Variants in NTM observed in about 807,000 individuals in gnomAD.
NTM encodes the protein neurotrimin.
NTM carries 13 observed loss-of-function variants against 42.1 expected under a neutral mutation model. The observed-to-expected ratio is 0.31, with a 90% CI of 0.20 to 0.49. The LOEUF is 0.49. Among genes scored for constraint, NTM ranks in the 20% least tolerant of loss-of-function variants. NTM has a pLI of 0.99. For missense variants in NTM, 373 were observed against 452.8 expected (o/e 0.82, Z 1.60); for synonymous variants, 187 against 179.2 (o/e 1.04, Z -0.35).
intron 1 of NTM, among the ~76,000 whole-genome samples, chr11:131,853,398 A>G (rs1016232770): frequency 4.0e-5 from 6 of 151,678 alleles, no homozygotes; most frequent in African/African-American, 1.5e-4. Context: ...TTCTTCCTCC[A>G]CCCCAGGCTT....
At chr11:131,678,593 T>G (rs530022691) in intron 1 of NTM, among the ~76,000 whole-genome samples, 1 of 152,244 alleles carries the variant, frequency 6.6e-6, no homozygotes, top group Non-Finnish European at 1.5e-5. Context: ...GTTTTAGACA[T>G]TCTACTGCCC....
intron 1 of NTM, among the ~76,000 whole-genome samples, chr11:131,414,319 G>C (rs1946727595): frequency 6.6e-6 from 1 of 152,134 alleles, no homozygotes; most frequent in Non-Finnish European, 1.5e-5. Flanking sequence ...CCCTCTCCAG[G>C]ACTGAGTGGA....
chr11:131,600,087 G>A (rs3018604), intron 1 of NTM, among the ~76,000 whole-genome samples: 64,702 of 152,030 alleles, frequency 0.43, 15,973 homozygotes, highest in East Asian at 0.61. Flanking sequence ...TTGCTCAATC[G>A]GCTTCTGTTA....
In NTM at chr11:131,445,286, C is replaced by G. The variant is rs113662004; in HGVS notation, c.82+74398C>G. 6.5e-3 allele frequency among the ~76,000 whole-genome samples: 989 copies of G among 152,310 alleles called. 6 individuals are homozygous for G. Among genetic ancestry groups the G allele is most frequent in the African/African-American group, 0.021 (872 of 41,560 alleles). On this transcript the variant is annotated intron_variant, in intron 1 of 8. Coordinates refer to ENST00000683400, the MANE Select transcript of NTM (RefSeq NM_001352005.2). ...TGTATACAGCCATGCAGAGACCCAG[C>G]TTTACACTATCAGCACCCACTGACA...
At chr11:132,057,037 T>A (rs796993746) in intron 2 of NTM, among the ~76,000 whole-genome samples, 2 of 152,200 alleles carry the variant, frequency 1.3e-5, no homozygotes, top group South Asian at 2.1e-4. Context: ...AAAATGAAAG[T>A]GCTGATACCA....
chr11:131,429,278 C>G (rs1212997488), intron 1 of NTM, among the ~76,000 whole-genome samples: 1 of 152,100 alleles, frequency 6.6e-6, no homozygotes, highest in African/African-American at 2.4e-5. Context: ...TAAAAGAGTT[C>G]AAAGAGCATA....
rs114663244 is a variant in NTM, at chr11:132,283,469, C to T, written c.527-24220C>T. Among the ~76,000 whole-genome samples the T allele has an allele frequency of 5.6e-3, 846 of 152,236 alleles. 8 individuals are homozygous for T. The highest frequency in any genetic ancestry group is 0.019 in the African/African-American group (808 of 41,534). Reference sequence around the variant, plus strand: ...ATTGTTCTAGTGCAGGGTTTGGTGCCTCATCGTCTTTGTCAAGTAAGACAA... The same window carrying T: ...ATTGTTCTAGTGCAGGGTTTGGTGCTTCATCGTCTTTGTCAAGTAAGACAA... On this transcript the variant is annotated intron_variant, in intron 4 of 8. Transcript: ENST00000683400.
At chr11:131,648,858 G>A (rs1308933380) in intron 1 of NTM, among the ~76,000 whole-genome samples, 4 of 152,132 alleles carry the variant, frequency 2.6e-5, no homozygotes, top group Non-Finnish European at 5.9e-5. Flanking sequence ...TCTCTGGGAG[G>A]CCTTTTTAAG....
intron 1 of NTM, among the ~76,000 whole-genome samples, chr11:131,413,290 T>A (rs530403501): frequency 6.6e-6 from 1 of 152,348 alleles, no homozygotes; most frequent in East Asian, 1.9e-4. Context: ...TGAAAGCAAT[T>A]CCAACTGATT....
chr11:132,109,383 A>G (rs976756874), intron 2 of NTM, among the ~76,000 whole-genome samples: 13 of 152,158 alleles, frequency 8.5e-5, no homozygotes, highest in Admixed American at 7.9e-4. Flanking sequence ...GTGAGGACAC[A>G]GCGAGAATGT....
intron 1 of NTM, among the ~76,000 whole-genome samples, chr11:131,690,494 C>T (rs1424455048): frequency 2.0e-5 from 3 of 152,234 alleles, no homozygotes; most frequent in Non-Finnish European, 4.4e-5. Flanking sequence ...TGCACGGGCT[C>T]AGCATGGGCT....
intron 3 of NTM, among the ~76,000 whole-genome samples, chr11:132,177,041 TA>T (rs1199704934): frequency 6.6e-6 from 1 of 152,166 alleles, no homozygotes; most frequent in Non-Finnish European, 1.5e-5. Context: ...CTGACATGCC[TA>T]AAGTTTTTAT....
chr11:131,656,861 T>C (rs2739286), intron 1 of NTM, among the ~76,000 whole-genome samples: 120,865 of 152,034 alleles, frequency 0.79, 48,568 homozygotes, highest in East Asian at 0.89. Context: ...GAAGATGACC[T>C]ACTTCTGCAG....
chr11:131,651,606 C>A (rs146864438), intron 1 of NTM, among the ~76,000 whole-genome samples: 66 of 152,210 alleles, frequency 4.3e-4, no homozygotes, highest in African/African-American at 1.5e-3. Context: ...TTTTGAGAGA[C>A]CGAGGCAGGT....
At chr11:132,167,090 T>G (rs1009490200) in intron 3 of NTM, among the ~76,000 whole-genome samples, 1 of 152,224 alleles carries the variant, frequency 6.6e-6, no homozygotes, top group African/African-American at 2.4e-5. Context: ...TTTTACTCTG[T>G]TCTATCTTAT....
At chr11:131,447,074 C>T (rs996036949) in intron 1 of NTM, among the ~76,000 whole-genome samples, 7 of 152,156 alleles carry the variant, frequency 4.6e-5, no homozygotes, top group African/African-American at 1.4e-4. Context: ...TTTACATGAC[C>T]CAGGCTAAGG....
intron 1 of NTM, among the ~76,000 whole-genome samples, chr11:131,518,237 C>T (rs183804707): frequency 5.7e-4 from 86 of 152,172 alleles, no homozygotes; most frequent in Non-Finnish European, 9.7e-4. Context: ...AACGGAGGCT[C>T]AGGGAAGTTA....
At chr11:131,613,017 A>G (rs949148069) in intron 1 of NTM, among the ~76,000 whole-genome samples, 17 of 152,234 alleles carry the variant, frequency 1.1e-4, no homozygotes, top group Non-Finnish European at 2.4e-4. Flanking sequence ...CCCTGGGGCC[A>G]GGCACATTTG....
Position 131,944,199 on chromosome 11 carries a change from A to G in NTM, c.167+32551A>G, listed in dbSNP as rs147745807. Among the ~76,000 whole-genome samples the G allele has an allele frequency of 7.9e-5, 12 of 152,356 alleles. No individual in the cohort carries two copies. The East Asian group carries it at 2.3e-3, about 29-fold the overall frequency. On this transcript the variant is annotated intron_variant, in intron 2 of 8. Transcript: ENST00000683400. ...GCTTGGAAAATGTGAAGTGCTTTATATCTAGAAATACTAGGTACAGAGTAA... is the reference window on the plus strand; with the variant it reads ...GCTTGGAAAATGTGAAGTGCTTTATGTCTAGAAATACTAGGTACAGAGTAA...
Sources: allele counts gnomAD v4.1 joint callset (sites outside exome capture counted in the v4.1 genomes callset), GRCh38; gene constraint gnomAD v4.1.1; transcripts MANE v1.5; gene names NCBI Gene and HGNC (gene_info 2026-07-23, HGNC 2026-07-21).